Variants in GAS2 observed in about 807,000 individuals in gnomAD.
GAS2 encodes the protein growth arrest-specific protein 2.
In GAS2, 20 loss-of-function variants were observed where a neutral mutation model predicts 37.5. The ratio of observed to expected loss-of-function variants is 0.53; its 90% CI spans 0.37 to 0.77. The LOEUF is 0.77. GAS2 is among the 30% of genes least tolerant of loss of function. The pLI is 0.00. For missense variants in GAS2, 336 were observed against 373.4 expected (o/e 0.90, Z 0.82); for synonymous variants, 144 against 132.2 (o/e 1.09, Z -0.61).
intron 3 of GAS2, among the ~76,000 whole-genome samples, chr11:22,696,184 C>T (rs1342208641): frequency 2.7e-5 from 4 of 149,146 alleles, no homozygotes; most frequent in Admixed American, 6.8e-5. Context: ...TGAGTGAGAA[C>T]ATGCGGTGTT....
At chr11:22,789,303 T>TATATATATATATATATATATATAAACAC (rs1350750428) in intron 7 of GAS2, among the ~76,000 whole-genome samples, 1 of 111,120 alleles carries the variant, frequency 9.0e-6, no homozygotes, top group African/African-American at 3.7e-5. Flanking sequence ...TATATATATA[T>TATATATATATATATATATATATAAACAC]ACACACACAC....
At chr11:22,810,433 G>A (rs1857099005) in intron 7 of GAS2, among the ~76,000 whole-genome samples, 1 of 152,122 alleles carries the variant, frequency 6.6e-6, no homozygotes, top group South Asian at 2.1e-4. Flanking sequence ...TTAAGACTGG[G>A]AGGGTCAATT....
At chr11:22,704,514 G>C (rs922790991) in intron 3 of GAS2, among the ~76,000 whole-genome samples, 7 of 145,892 alleles carry the variant, frequency 4.8e-5, no homozygotes, top group Non-Finnish European at 1.5e-5. Flanking sequence ...CAATGAGAAA[G>C]CTACTGTGGT....
intron 3 of GAS2, among the ~76,000 whole-genome samples, chr11:22,690,664 A>T (rs763618851): frequency 2.6e-5 from 4 of 152,200 alleles, no homozygotes; most frequent in Admixed American, 2.0e-4. Flanking sequence ...AATGAAATGA[A>T]TCTTTCAATA....
At position 22,746,183 on chromosome 11, in the gene GAS2, A is replaced by AAAAC. The variant is rs549824711; in HGVS notation, c.474-2917_474-2914dup. 3.3e-4 allele frequency among the ~76,000 whole-genome samples: 50 copies of AAAAC among 152,216 alleles called. No homozygotes were observed. In the East Asian group the frequency reaches 5.6e-3, roughly 17 times the overall value. ...GGTGACAGAGCAAGATCATGTCTCAAAAACAAACAAACAAACAAACAAAAA... is the reference window on the plus strand; with the variant it reads ...GGTGACAGAGCAAGATCATGTCTCAAAAACAAACAAACAAACAAACAAACAAAAA... On this transcript the variant is annotated intron_variant, in intron 5 of 7. Transcript: ENST00000454584.
At chr11:22,808,896 T>G (rs1048968208) in intron 7 of GAS2, among the ~76,000 whole-genome samples, 6 of 152,156 alleles carry the variant, frequency 3.9e-5, no homozygotes, top group Non-Finnish European at 7.3e-5. Context: ...GGAATATGAA[T>G]ATGTGGATGA....
intron 7 of GAS2, among the ~76,000 whole-genome samples, chr11:22,788,622 G>A (rs1375782396): frequency 6.6e-6 from 1 of 152,024 alleles, no homozygotes; most frequent in Non-Finnish European, 1.5e-5. Flanking sequence ...ATTAATCTAG[G>A]GTTTGTACTA....
At chr11:22,636,919 A>T (rs1021016704) in intron 1 of GAS2, among the ~76,000 whole-genome samples, 2 of 136,486 alleles carry the variant, frequency 1.5e-5, no homozygotes, top group Admixed American at 7.4e-5. Context: ...ATAATATAAA[A>T]TATTTATATT....
intron 7 of GAS2, among the ~76,000 whole-genome samples, chr11:22,803,016 ATG>A: frequency 6.6e-6 from 1 of 152,238 alleles, no homozygotes; most frequent in East Asian, 1.9e-4. Flanking sequence ...AGTACACTCT[ATG>A]ATGTTCACAC....
At chr11:22,775,199 A>G (rs570034827) in intron 7 of GAS2, among the ~76,000 whole-genome samples, 2 of 152,320 alleles carry the variant, frequency 1.3e-5, no homozygotes, top group East Asian at 3.9e-4. Context: ...ACATGAGTAG[A>G]TTGCATTTTA....
chr11:22,791,214 A>G (rs1856142719), intron 7 of GAS2, among the ~76,000 whole-genome samples: 1 of 152,096 alleles, frequency 6.6e-6, no homozygotes, highest in Non-Finnish European at 1.5e-5. Context: ...TTCTTGTGAA[A>G]CTGAGTTAAA....
chr11:22,719,710 C>T (rs1189702335), intron 3 of GAS2, among the ~76,000 whole-genome samples: 1 of 152,084 alleles, frequency 6.6e-6, no homozygotes, highest in Admixed American at 6.6e-5. Flanking sequence ...TGGAATCATA[C>T]AGCCTGTAGT....
intron 3 of GAS2, among the ~76,000 whole-genome samples, chr11:22,705,503 A>C (rs1010158360): frequency 6.6e-6 from 1 of 152,218 alleles, no homozygotes; most frequent in Non-Finnish European, 1.5e-5. Context: ...AGAAGACTAA[A>C]GCATTATTGG....
chr11:22,710,942 A>G (rs1851376001), intron 3 of GAS2, among the ~76,000 whole-genome samples: 1 of 152,226 alleles, frequency 6.6e-6, no homozygotes, highest in Non-Finnish European at 1.5e-5. Context: ...CTACAATTCA[A>G]GTAGGAAAAG....
chr11:22,802,928 C>T (rs113575783), intron 7 of GAS2, among the ~76,000 whole-genome samples: 27 of 152,104 alleles, frequency 1.8e-4, no homozygotes, highest in African/African-American at 5.3e-4. Flanking sequence ...ATTTGCTGTA[C>T]GGGTTTGTAG....
intron 7 of GAS2, among the ~76,000 whole-genome samples, chr11:22,806,820 G>T (rs960028361): frequency 6.6e-6 from 1 of 152,160 alleles, no homozygotes; most frequent in African/African-American, 2.4e-5. Flanking sequence ...TGTAAGGTTT[G>T]CTGTGGAAAC....
At chr11:22,629,624 C>T (rs537007991) in intron 1 of GAS2, among the ~76,000 whole-genome samples, 1 of 152,064 alleles carries the variant, frequency 6.6e-6, no homozygotes, top group East Asian at 1.9e-4. Context: ...AATGTGTATT[C>T]ATGTCATTTG....
intron 7 of GAS2, among the ~76,000 whole-genome samples, chr11:22,769,477 C>T (rs573972991): frequency 5.9e-5 from 9 of 152,138 alleles, no homozygotes; most frequent in Non-Finnish European, 1.5e-5. Flanking sequence ...CCCTCATGTA[C>T]AGCACTCATA....
intron 3 of GAS2, among the ~76,000 whole-genome samples, chr11:22,706,374 T>G (rs1043777091): frequency 1.3e-5 from 2 of 152,048 alleles, no homozygotes; most frequent in Admixed American, 1.3e-4. Flanking sequence ...AGGGTACATG[T>G]GCACATTGTG....
Sources: allele counts gnomAD v4.1 joint callset (sites outside exome capture counted in the v4.1 genomes callset), GRCh38; gene constraint gnomAD v4.1.1; transcripts MANE v1.5; gene names NCBI Gene and HGNC (gene_info 2026-07-23, HGNC 2026-07-21).